The following TMEM74 variants were observed in gnomAD, a reference collection of about 807,000 sequenced individuals.
The protein encoded by TMEM74 is transmembrane protein 74.
TMEM74 carries 13 observed loss-of-function variants against 18.1 expected under a neutral mutation model. That is an observed-to-expected ratio of 0.72 (90% confidence interval 0.47 to 1.14). The LOEUF (loss-of-function observed/expected upper bound fraction) is 1.14, where lower values mean the gene tolerates loss of function less well. Ranked by LOEUF, TMEM74 falls within the 50% of genes most tolerant of loss-of-function variation. The probability of loss-of-function intolerance (pLI) is 0.00; values close to 1 mark genes in which losing one functional copy is unlikely to be tolerated. For missense variants in TMEM74, 372 were observed against 375.9 expected (o/e 0.99, Z 0.09); for synonymous variants, 159 against 146.6 (o/e 1.08, Z -0.61).
intron 1 of TMEM74, among the ~76,000 whole-genome samples, chr8:108,768,911 C>T (rs1161993214): frequency 6.6e-6 from 1 of 152,070 alleles, no homozygotes; most frequent in East Asian, 1.9e-4. Flanking sequence ...ACCCTTTGAC[C>T]TGAGGCTGTT....
chr8:108,754,601 A>C (rs552457036), intron 1 of TMEM74, among the ~76,000 whole-genome samples: 1 of 151,922 alleles, frequency 6.6e-6, no homozygotes, highest in Non-Finnish European at 1.5e-5. Flanking sequence ...TGGCTGTATT[A>C]CTCAGGGTTC....
chr8:108,651,296 T>A (rs1484953775), intron 2 of TMEM74, among the ~76,000 whole-genome samples: 1 of 152,208 alleles, frequency 6.6e-6, no homozygotes, highest in Non-Finnish European at 1.5e-5. Context: ...GAACTTTGTT[T>A]ACATGCTGAA....
intron 1 of TMEM74, 102 bp from the exon 2 acceptor site, chr8:108,785,239 GT>G: frequency 1.2e-6 from 1 of 829,358 alleles, no homozygotes; most frequent in Non-Finnish European, 1.8e-6. Context: ...AGCTGCACCT[GT>G]TTAGCCCCTT....
chr8:108,607,426 C>A (rs1812287451), exon 4 of TMEM74: 1 of 152,140 alleles, frequency 6.6e-6, no homozygotes, highest in Non-Finnish European at 1.5e-5. Flanking sequence ...GACCAACCAG[C>A]CAATAAACAA....
At chr8:108,698,650 A>G (rs1346145985) in intron 1 of TMEM74, among the ~76,000 whole-genome samples, 1 of 152,208 alleles carries the variant, frequency 6.6e-6, no homozygotes, top group Non-Finnish European at 1.5e-5. Flanking sequence ...ACTCAGAAAC[A>G]TCAGTGGAAG....
chr8:108,613,435 A>G (rs2130535508), intron 2 of TMEM74, among the ~76,000 whole-genome samples: 1 of 152,354 alleles, frequency 6.6e-6, no homozygotes, highest in East Asian at 1.9e-4. Context: ...TCAGGAATCA[A>G]TTAATGGGAG....
intron 1 of TMEM74, among the ~76,000 whole-genome samples, chr8:108,763,750 A>G (rs1814071117): frequency 6.6e-6 from 1 of 152,172 alleles, no homozygotes. Flanking sequence ...ATCTGAATTA[A>G]AAGCATTCTT....
chr8:108,622,536 G>GTGTTGAGT (rs1054976391), intron 2 of TMEM74, among the ~76,000 whole-genome samples: 6 of 152,050 alleles, frequency 3.9e-5, no homozygotes, highest in African/African-American at 1.4e-4. Flanking sequence ...ATTGAAGCTT[G>GTGTTGAGT]TGTTGAGTTC....
chr8:108,677,123 G>C (rs1349644429), intron 1 of TMEM74, among the ~76,000 whole-genome samples: 1 of 152,162 alleles, frequency 6.6e-6, no homozygotes, highest in Non-Finnish European at 1.5e-5. Flanking sequence ...CCTAGGCTAG[G>C]AGATAGGAAT....
rs554801371 is a variant in TMEM74, at chr8:108,617,438, C to G, written n.265-8612G>C. On this transcript the variant is annotated intron_variant and non_coding_transcript_variant, in intron 2 of 3. Coordinates refer to the TMEM74 transcript ENST00000518838. Reference sequence around the variant, plus strand: ...ACAGAAGCAGCTGCTATTGCAGATGCTTTTGATTCTGGGGTGTAGGAAGCC... The same window carrying G: ...ACAGAAGCAGCTGCTATTGCAGATGGTTTTGATTCTGGGGTGTAGGAAGCC... Among the ~76,000 whole-genome samples, 11 of 152,202 alleles carry G rather than the reference C, an allele frequency of 7.2e-5. 1 individual carries two copies. In the South Asian group the frequency reaches 2.3e-3, roughly 32 times the overall value.
At position 108,717,123 on chromosome 8, in the gene TMEM74, A is replaced by G. The variant is rs529566568; in HGVS notation, n.120-61686T>C. 1.2e-4 allele frequency among the ~76,000 whole-genome samples: 18 copies of G among 152,218 alleles called. No homozygotes were observed. In the East Asian group the frequency reaches 3.5e-3, roughly 29 times the overall value. ...AAATCTGACAAAATGAGCACAAAAA[A>G]GAAAATTACATATCAACGTTACTTA... On this transcript the variant is annotated intron_variant and non_coding_transcript_variant, in intron 1 of 3. Transcript: ENST00000518838.
At chr8:108,695,631 A>G (rs1392153185) in intron 1 of TMEM74, among the ~76,000 whole-genome samples, 1 of 152,186 alleles carries the variant, frequency 6.6e-6, no homozygotes, top group African/African-American at 2.4e-5. Flanking sequence ...CTAGCCCATT[A>G]CAAAGCCCAT....
chr8:108,658,348 T>G (rs1216742058), intron 1 of TMEM74, among the ~76,000 whole-genome samples: 1 of 152,130 alleles, frequency 6.6e-6, no homozygotes, highest in East Asian at 1.9e-4. Context: ...ACAGGATTTT[T>G]GGCCTTATTA....
intron 1 of TMEM74, among the ~76,000 whole-genome samples, chr8:108,684,338 A>G (rs1053826547): frequency 6.6e-6 from 1 of 151,916 alleles, no homozygotes; most frequent in African/African-American, 2.4e-5. Context: ...TTTGATTTGC[A>G]TTTCTCTGAT....
intron 1 of TMEM74, among the ~76,000 whole-genome samples, chr8:108,756,179 G>A (rs1485400224): frequency 1.3e-5 from 2 of 151,958 alleles, no homozygotes; most frequent in Non-Finnish European, 2.9e-5. Context: ...TAAATGAAAG[G>A]CAGCATTCCA....
chr8:108,684,656 C>A (rs950005446), intron 1 of TMEM74, among the ~76,000 whole-genome samples: 3 of 150,904 alleles, frequency 2.0e-5, no homozygotes, highest in East Asian at 2.0e-4. Flanking sequence ...TTTCCCAGAC[C>A]AATATCTTGA....
At chr8:108,679,512 T>G (rs1486530580) in intron 1 of TMEM74, among the ~76,000 whole-genome samples, 1 of 152,230 alleles carries the variant, frequency 6.6e-6, no homozygotes, top group African/African-American at 2.4e-5. Context: ...TGATGAGCAT[T>G]TTTTCATGTG....
At chr8:108,705,534 G>A (rs533092221) in intron 1 of TMEM74, among the ~76,000 whole-genome samples, 3 of 152,136 alleles carry the variant, frequency 2.0e-5, no homozygotes, top group Non-Finnish European at 4.4e-5. Context: ...TAGCCCAGCT[G>A]GCACTAGGCT....
intron 1 of TMEM74, among the ~76,000 whole-genome samples, chr8:108,756,644 A>AAG (rs1352703094): frequency 5.1e-3 from 378 of 73,524 alleles, no homozygotes; most frequent in Non-Finnish European, 6.9e-3. Flanking sequence ...GGAAGGAAGA[A>AAG]AGAAAGAGAA....
Sources: allele counts gnomAD v4.1 joint callset (sites outside exome capture counted in the v4.1 genomes callset), GRCh38; gene constraint gnomAD v4.1.1; transcripts MANE v1.5; gene names NCBI Gene and HGNC (gene_info 2026-07-23, HGNC 2026-07-21).